OR2G2: variants seen among roughly 807,000 people sequenced by gnomAD.
The protein encoded by OR2G2 is olfactory receptor family 2 subfamily G member 2.
For synonymous variants in OR2G2, 176 were observed against 152.4 expected (o/e 1.16, Z -1.14); for missense variants, 460 against 389.7 (o/e 1.18, Z -1.52).
In OR2G2 at chr1:247,588,641, T is replaced by C. The variant is rs1471788120; in HGVS notation, c.282T>C (p.Thr94=). 6.2e-7 allele frequency: 1 copy of C among 1,614,222 alleles called. No homozygotes were observed. The highest frequency in any genetic ancestry group is 1.3e-5 in the African/African-American group (1 of 75,058). Residue 94 remains threonine (T), a synonymous_variant, in exon 1 of 1, where the codon ACT becomes ACC. Coordinates refer to ENST00000320065, the MANE Select transcript of OR2G2 (RefSeq NM_001001915.1). ...TAAACCTGTGGGAACCCATGAAAACTATCGCCTATGGTGGCTGTTTGGTTC... is the reference window on the plus strand; with the variant it reads ...TAAACCTGTGGGAACCCATGAAAACCATCGCCTATGGTGGCTGTTTGGTTC... The part of the protein sequence containing the change: ...LLVNLWEPMK[T]IAYGGCLVHL...
rs1292222691 is a variant in OR2G2, at chr1:247,589,313, A to G, written c.954A>G (p.Ter318TrpextTer?). ...AGGCTCTGGGAGTAAATATTTTATG[A>G]TTATTAAAAAAAAATTTAAGTGACA... ...LAKALGVNIL[*>W] Residue 318 changes from the stop codon to tryptophan (W), a stop_lost, in exon 1 of 1, where the codon TGA (stop) becomes TGG (tryptophan). Coordinates refer to ENST00000320065, the MANE Select transcript of OR2G2 (RefSeq NM_001001915.1). 6.7e-7 allele frequency: 1 copy of G among 1,486,660 alleles called. No individual in the cohort carries two copies. The highest frequency in any genetic ancestry group is 9.0e-7 in the Non-Finnish European group (1 of 1,109,838). The allele number at this position is 1,486,660 out of a possible 1,614,324, so 92.1% of individuals were successfully genotyped here. A position where few individuals can be genotyped will look rare whatever the true frequency, so the allele number is the denominator to read the frequency against.
In OR2G2 at chr1:247,589,275, A is replaced by C; in HGVS notation, c.916A>C (p.Lys306Gln). 6.2e-7 allele frequency: 1 copy of C among 1,607,698 alleles called. No individual in the cohort carries two copies. ...CAAGGAGGTGAAAGGGGCATTAAAG[A>C]AAGTTCTAGCAAAGGCTCTGGGAGT... is the stretch of plus-strand genomic sequence containing the variant. ...RIKEVKGALKKVLAKALGVNI... is the reference protein window; with the variant it reads ...RIKEVKGALKQVLAKALGVNI... Residue 306 changes from lysine (K) to glutamine (Q), a missense_variant, in exon 1 of 1, where the codon AAA (lysine) becomes CAA (glutamine). By Grantham distance (53) the Lys-to-Gln change is moderately conservative. Transcript: ENST00000320065.
chr1:247,588,459 A>C lies in OR2G2; in HGVS notation c.100A>C (p.Ile34Leu). ...PQLQKVLFVL[I>L]LILYLLTILG... Reference sequence around the variant, plus strand: ...GTTACAGAAGGTTCTATTTGTGCTCATATTGATTCTGTATTTACTAACTAT... The same window carrying C: ...GTTACAGAAGGTTCTATTTGTGCTCCTATTGATTCTGTATTTACTAACTAT... Residue 34 changes from isoleucine (I) to leucine (L), a missense_variant, in exon 1 of 1, where the codon ATA (isoleucine) becomes CTA (leucine). Physicochemically the swap from Ile to Leu is conservative, Grantham distance 5 (BLOSUM62 2). Coordinates refer to ENST00000320065, the MANE Select transcript of OR2G2 (RefSeq NM_001001915.1). The C allele has an allele frequency of 6.2e-7, 1 of 1,613,818 alleles. No homozygotes were observed. Among genetic ancestry groups the C allele is most frequent in the Non-Finnish European group, 8.5e-7 (1 of 1,179,698 alleles).
Position 247,588,563 on chromosome 1 carries a change from T to A in OR2G2, c.204T>A (p.His68Gln). ...TGCCGATGTATTTCTTCCTTTCTCA[T>A]CTCTCCTTCCTGTACCGCTGCTTCA... ...LHMPMYFFLS[H>Q]LSFLYRCFTS... The change falls in exon 1 of 1, where the codon CAT (histidine) becomes CAA (glutamine). Residue 68 changes from histidine to glutamine, a missense_variant. By Grantham distance (24) the His-to-Gln change is conservative. Coordinates refer to ENST00000320065, the MANE Select transcript of OR2G2 (RefSeq NM_001001915.1). 6.2e-7 allele frequency: 1 copy of A among 1,614,204 alleles called. No individual in the cohort carries two copies. The highest frequency in any genetic ancestry group is 8.5e-7 in the Non-Finnish European group (1 of 1,180,030).
Position 247,589,021 on chromosome 1 carries a change from C to G in OR2G2, c.662C>G (p.Ser221Cys). 1 of 1,614,246 alleles carries G rather than the reference C, an allele frequency of 6.2e-7. No homozygotes were observed. The highest frequency in any genetic ancestry group is 8.5e-7 in the Non-Finnish European group (1 of 1,180,044). ...CCTGTCTCATTCATCCTGGTCTCCT[C>G]TGGCTACATTGCCCACGCAGTGTTG... Reference protein sequence around the residue: ...IVPVSFILVSSGYIAHAVLRI... With the variant: ...IVPVSFILVSCGYIAHAVLRI... The change falls in exon 1 of 1, where the codon TCT (serine) becomes TGT (cysteine). Residue 221 changes from serine to cysteine, a missense_variant. Ser to Cys is a moderately radical substitution (Grantham distance 112). Coordinates refer to ENST00000320065, the MANE Select transcript of OR2G2 (RefSeq NM_001001915.1).
In OR2G2 at chr1:247,588,703, G is replaced by A. The variant is rs201458920; in HGVS notation, c.344G>A (p.Cys115Tyr). The A allele has an allele frequency of 3.1e-6, 5 of 1,614,120 alleles. No homozygotes were observed. In the Admixed American group the frequency reaches 5.0e-5, roughly 16 times the overall value. ...YNSHALGSTE[C>Y]VLPAVMSCDR... ...TCCCATGCCCTGGGATCCACTGAGTGCGTCCTCCCGGCTGTGATGTCCTGT... is the reference window on the plus strand; with the variant it reads ...TCCCATGCCCTGGGATCCACTGAGTACGTCCTCCCGGCTGTGATGTCCTGT... Residue 115 changes from cysteine to tyrosine, a missense_variant, in exon 1 of 1, where the codon TGC (cysteine) becomes TAC (tyrosine). Physicochemically the swap from Cys to Tyr is radical, Grantham distance 194. Coordinates refer to ENST00000320065, the MANE Select transcript of OR2G2 (RefSeq NM_001001915.1).
rs1440605040 is a variant in OR2G2 at position 247,589,145 on chromosome 1, T to C, written c.786T>C (p.Tyr262=). ...TTTATGGAACCATCATCTTCATGTA[T>C]CTGCAGCCAGCCAAGAGTAGATCCA... ...TIFYGTIIFM[Y]LQPAKSRSRD... The change falls in exon 1 of 1, where the codon TAT becomes TAC. Residue 262 remains tyrosine, a synonymous_variant. Coordinates refer to ENST00000320065, the MANE Select transcript of OR2G2 (RefSeq NM_001001915.1). 6.2e-7 allele frequency: 1 copy of C among 1,614,226 alleles called. No individual in the cohort carries two copies.
chr1:247,588,859 T>C lies in OR2G2; in HGVS notation c.500T>C (p.Leu167Pro), dbSNP rs10925085. ...ATTLVQSTLT[L>P]QLPFCGHRQV... ...ACCCTGGTACAGTCCACCCTCACCC[T>C]GCAGCTGCCCTTCTGTGGGCATCGC... Residue 167 changes from leucine to proline, a missense_variant, in exon 1 of 1, where the codon CTG (leucine) becomes CCG (proline). Physicochemically the swap from Leu to Pro is moderately conservative, Grantham distance 98 (BLOSUM62 -3). Transcript: ENST00000320065. 0.39 allele frequency: 623,199 copies of C among 1,613,912 alleles called. 125,326 individuals carry two copies. Among genetic ancestry groups the C allele is most frequent in the East Asian group, 0.55 (24,458 of 44,866 alleles).
At position 247,588,847 on chromosome 1, in the gene OR2G2, C is replaced by T; in HGVS notation, c.488C>T (p.Ser163Phe). 1.2e-6 allele frequency: 2 copies of T among 1,614,198 alleles called. No homozygotes were observed. The highest frequency in any genetic ancestry group is 1.7e-5 in the Admixed American group (1 of 60,026). ...GGAATAGCCACCACCCTGGTACAGTCCACCCTCACCCTGCAGCTGCCCTTC... is the reference window on the plus strand; with the variant it reads ...GGAATAGCCACCACCCTGGTACAGTTCACCCTCACCCTGCAGCTGCCCTTC... ...LSGIATTLVQSTLTLQLPFCG... is the reference protein window; with the variant it reads ...LSGIATTLVQFTLTLQLPFCG... The change falls in exon 1 of 1, where the codon TCC becomes TTC. Residue 163 changes from serine (S) to phenylalanine (F), a missense_variant. Ser to Phe is a radical substitution (Grantham distance 155). Coordinates refer to ENST00000320065, the MANE Select transcript of OR2G2 (RefSeq NM_001001915.1).
In OR2G2 at chr1:247,588,738, G is replaced by A. The variant is rs1669078401; in HGVS notation, c.379G>A (p.Val127Met). The A allele has an allele frequency of 6.2e-7, 1 of 1,614,054 alleles. No homozygotes were observed. The highest frequency in any genetic ancestry group is 1.3e-5 in the African/African-American group (1 of 74,916). ...GGCTGTGATGTCCTGTGACCGCTAT[G>A]TGGCTGTCTGCCGTCCTCTCCATTA... Reference protein sequence around the residue: ...LPAVMSCDRYVAVCRPLHYTV... With the variant: ...LPAVMSCDRYMAVCRPLHYTV... Residue 127 changes from valine to methionine, a missense_variant, in exon 1 of 1, where the codon GTG becomes ATG. Physicochemically the swap from Val to Met is conservative, Grantham distance 21. Transcript: ENST00000320065.
rs1422083887 is a variant in OR2G2 at position 247,589,256 on chromosome 1, G to C, written c.897G>C (p.Glu299Asp). 1 of 1,612,240 alleles carries C rather than the reference G, an allele frequency of 6.2e-7. No homozygotes were observed. The change falls in exon 1 of 1, where the codon GAG becomes GAC. Residue 299 changes from glutamate (E) to aspartate (D), a missense_variant. Physicochemically the swap from Glu to Asp is conservative, Grantham distance 45. Coordinates refer to ENST00000320065, the MANE Select transcript of OR2G2 (RefSeq NM_001001915.1). Reference sequence around the variant, plus strand: ...TTATTTATACCTTGAGGATCAAGGAGGTGAAAGGGGCATTAAAGAAAGTTC... The same window carrying C: ...TTATTTATACCTTGAGGATCAAGGACGTGAAAGGGGCATTAAAGAAAGTTC... The part of the protein sequence containing the change: ...NPLIYTLRIK[E>D]VKGALKKVLA...
chr1:247,588,416 G>C lies in OR2G2; in HGVS notation c.57G>C (p.Gly19=), dbSNP rs776820403. 12 of 1,613,758 alleles carry C rather than the reference G, an allele frequency of 7.4e-6. 1 individual carries two copies. In the South Asian group the frequency reaches 1.3e-4, roughly 18 times the overall value. ...ESNLAGFILL[G]FSDYPQLQKV... is the part of the protein sequence containing the mutation. The stretch of plus-strand genomic sequence containing the variant: ...ACCTAGCAGGTTTCATCCTTTTAGG[G>C]TTTTCTGATTATCCTCAGTTACAGA... Residue 19 remains glycine (G), a synonymous_variant, in exon 1 of 1, where the codon GGG becomes GGC. Transcript: ENST00000320065.
Position 247,588,482 on chromosome 1 carries a change from T to A in OR2G2, c.123T>A (p.Thr41=). ...FVLILILYLL[T]ILGNTTIILV... ...TCATATTGATTCTGTATTTACTAACTATTTTGGGGAATACCACCATCATTC... is the reference window on the plus strand; with the variant it reads ...TCATATTGATTCTGTATTTACTAACAATTTTGGGGAATACCACCATCATTC... Residue 41 remains threonine (T), a synonymous_variant, in exon 1 of 1, where the codon ACT becomes ACA. Transcript: ENST00000320065. The A allele has an allele frequency of 1.2e-6, 2 of 1,613,966 alleles. No homozygotes were observed. The highest frequency in any genetic ancestry group is 1.7e-6 in the Non-Finnish European group (2 of 1,179,776).
In OR2G2 at chr1:247,588,697, C is replaced by G. The variant is rs774739638; in HGVS notation, c.338C>G (p.Thr113Ser). 6.2e-7 allele frequency: 1 copy of G among 1,614,186 alleles called. No individual in the cohort carries two copies. The highest frequency in any genetic ancestry group is 1.1e-5 in the South Asian group (1 of 91,082). Reference protein sequence around the residue: ...HLYNSHALGSTECVLPAVMSC... With the variant: ...HLYNSHALGSSECVLPAVMSC... ...TACAACTCCCATGCCCTGGGATCCA[C>G]TGAGTGCGTCCTCCCGGCTGTGATG... is the stretch of plus-strand genomic sequence containing the variant. Residue 113 changes from threonine to serine, a missense_variant, in exon 1 of 1, where the codon ACT becomes AGT. Coordinates refer to ENST00000320065, the MANE Select transcript of OR2G2 (RefSeq NM_001001915.1).
rs1669077026 is a variant in OR2G2 at position 247,588,688 on chromosome 1, T to C, written c.329T>C (p.Leu110Pro). ...GTTCACCTTTACAACTCCCATGCCC[T>C]GGGATCCACTGAGTGCGTCCTCCCG... ...CLVHLYNSHA[L>P]GSTECVLPAV... Residue 110 changes from leucine to proline, a missense_variant, in exon 1 of 1, where the codon CTG (leucine) becomes CCG (proline). Coordinates refer to ENST00000320065, the MANE Select transcript of OR2G2 (RefSeq NM_001001915.1). The C allele has an allele frequency of 8.1e-6, 13 of 1,614,038 alleles. No individual in the cohort carries two copies. Among genetic ancestry groups the C allele is most frequent in the Non-Finnish European group, 9.3e-6 (11 of 1,180,008 alleles).
Position 247,588,504 on chromosome 1 carries a change from A to T in OR2G2, c.145A>T (p.Ile49Phe). ...LLTILGNTTI[I>F]LVSRLEPKLH... ...AACTATTTTGGGGAATACCACCATC[A>T]TTCTGGTTTCTCGTCTGGAACCCAA... is the stretch of plus-strand genomic sequence containing the variant. The change falls in exon 1 of 1, where the codon ATT becomes TTT. Residue 49 changes from isoleucine to phenylalanine, a missense_variant. Physicochemically the swap from Ile to Phe is conservative, Grantham distance 21. Transcript: ENST00000320065. 6.2e-7 allele frequency: 1 copy of T among 1,614,198 alleles called. No homozygotes were observed. Among genetic ancestry groups the T allele is most frequent in the Non-Finnish European group, 8.5e-7 (1 of 1,180,018 alleles).
Position 247,588,873 on chromosome 1 carries a change from T to C in OR2G2, c.514T>C (p.Cys172Arg). Residue 172 changes from cysteine to arginine, a missense_variant, in exon 1 of 1, where the codon TGT becomes CGT. By Grantham distance (180) the Cys-to-Arg change is radical. Transcript: ENST00000320065. ...QSTLTLQLPFCGHRQVDHFIC... is the reference protein window; with the variant it reads ...QSTLTLQLPFRGHRQVDHFIC... ...CACCCTCACCCTGCAGCTGCCCTTC[T>C]GTGGGCATCGCCAAGTGGATCATTT... The C allele has an allele frequency of 1.9e-6, 3 of 1,614,196 alleles. No individual in the cohort carries two copies. The highest frequency in any genetic ancestry group is 2.2e-5 in the East Asian group (1 of 44,884).
chr1:247,589,140 A>C lies in OR2G2; in HGVS notation c.781A>C (p.Met261Leu), dbSNP rs1464594190. The change falls in exon 1 of 1, where the codon ATG becomes CTG. Residue 261 changes from methionine to leucine, a missense_variant. Transcript: ENST00000320065. ...CATCTTTTATGGAACCATCATCTTC[A>C]TGTATCTGCAGCCAGCCAAGAGTAG... ...VTIFYGTIIF[M>L]YLQPAKSRSR... 1 of 1,614,050 alleles carries C rather than the reference A, an allele frequency of 6.2e-7. No homozygotes were observed. Among genetic ancestry groups the C allele is most frequent in the African/African-American group, 1.3e-5 (1 of 74,920 alleles).
chr1:247,588,388 G>C lies in OR2G2; in HGVS notation c.29G>C (p.Ser10Thr). The C allele has an allele frequency of 6.2e-7, 1 of 1,610,662 alleles. No homozygotes were observed. Among genetic ancestry groups the C allele is most frequent in the Non-Finnish European group, 8.5e-7 (1 of 1,178,308 alleles). The part of the protein sequence containing the change: MGMVRHTNE[S>T]NLAGFILLGF... The stretch of plus-strand genomic sequence containing the variant: ...GGGATGGTGAGACATACCAATGAGA[G>C]CAACCTAGCAGGTTTCATCCTTTTA... Residue 10 changes from serine (S) to threonine (T), a missense_variant, in exon 1 of 1, where the codon AGC becomes ACC. By Grantham distance (58) the Ser-to-Thr change is moderately conservative. Coordinates refer to ENST00000320065, the MANE Select transcript of OR2G2 (RefSeq NM_001001915.1).
Sources: allele counts gnomAD v4.1 joint callset, GRCh38; gene constraint gnomAD v4.1.1; transcripts MANE v1.5; gene names NCBI Gene and HGNC (gene_info 2026-07-23, HGNC 2026-07-21).